PTDSS1: variants seen among roughly 807,000 people sequenced by gnomAD.
PTDSS1 encodes phosphatidylserine synthase 1, also known as PSS-1.
Under a neutral mutation model 70.5 loss-of-function variants are expected in PTDSS1, and 45 were observed. That is an observed-to-expected ratio of 0.64 (90% CI 0.50 to 0.82). PTDSS1 has a LOEUF of 0.82. PTDSS1 is among the 40% of genes least tolerant of loss of function. PTDSS1 has a pLI of 0.00. For missense variants in PTDSS1, 417 were observed against 586.1 expected (o/e 0.71, Z 2.98); for synonymous variants, 188 against 203.8 (o/e 0.92, Z 0.66).
At chr8:96,330,450 G>C (rs916451689) in intron 11 of PTDSS1, 169 bp downstream of exon 11, 3 of 639,696 alleles carry the variant, frequency 4.7e-6, no homozygotes, top group Non-Finnish European at 8.2e-6. Flanking sequence ...CCTAGCCATT[G>C]CTGGCCCTGC....
At chr8:96,278,560 C>G (rs1235066037) in intron 2 of PTDSS1, among the ~76,000 whole-genome samples, 1 of 152,208 alleles carries the variant, frequency 6.6e-6, no homozygotes, top group African/African-American at 2.4e-5. Context: ...CAGTTCTCCT[C>G]TTCATTCTCT....
intron 10 of PTDSS1, among the ~76,000 whole-genome samples, chr8:96,328,680 CT>C (rs1254242914): frequency 6.6e-6 from 1 of 152,170 alleles, no homozygotes; most frequent in Non-Finnish European, 1.5e-5. Flanking sequence ...GCTCTCCTTT[CT>C]TTTTTGGAAC....
chr8:96,307,449 C>CAAAA (rs56284473), intron 8 of PTDSS1, among the ~76,000 whole-genome samples: 3 of 50,646 alleles, frequency 5.9e-5, no homozygotes, highest in East Asian at 8.4e-4. Context: ...TCAATATTAC[C>CAAAA]AAAAAAAAAA....
Position 96,299,739 on chromosome 8 carries a change from G to A in PTDSS1, c.646G>A (p.Asp216Asn). The A allele has an allele frequency of 6.2e-7, 1 of 1,614,056 alleles. No homozygotes were observed. Among genetic ancestry groups the A allele is most frequent in the Non-Finnish European group, 8.5e-7 (1 of 1,179,998 alleles). ...CCCCAATTTTGCCGAGTGCTGGTGG[G>A]ATCAAGTCATTCTGGACATCCTGTT... ...LLPNFAECWWDQVILDILLCN... is the reference protein window; with the variant it reads ...LLPNFAECWWNQVILDILLCN... The change falls in exon 6 of 13, where the codon GAT becomes AAT. Residue 216 changes from aspartate (D) to asparagine (N), a missense_variant. Physicochemically the swap from Asp to Asn is conservative, Grantham distance 23 (BLOSUM62 1). Around this residue, in one of 3 missense-constraint regions of PTDSS1, gnomAD observed 272 missense variants for 429.5 expected, o/e 0.63. Coordinates refer to ENST00000517309, the MANE Select transcript of PTDSS1 (RefSeq NM_014754.3).
At chr8:96,266,269 C>G (rs910812768) in intron 1 of PTDSS1, among the ~76,000 whole-genome samples, 1 of 152,214 alleles carries the variant, frequency 6.6e-6, no homozygotes, top group African/African-American at 2.4e-5. Context: ...GAAGACGTTG[C>G]CTTTCTGCGG....
intron 3 of PTDSS1, among the ~76,000 whole-genome samples, chr8:96,285,228 G>C (rs1478533119): frequency 6.6e-6 from 1 of 152,218 alleles, no homozygotes; most frequent in Non-Finnish European, 1.5e-5. Context: ...ATCCAAGCCT[G>C]CAAAGATTCT....
intron 10 of PTDSS1, among the ~76,000 whole-genome samples, 168 bp from the exon 11 acceptor site, chr8:96,330,045 G>C (rs1811491501): frequency 6.6e-6 from 1 of 152,160 alleles, no homozygotes; most frequent in East Asian, 1.9e-4. Flanking sequence ...GAAGCTTTGG[G>C]TGTGCACCCT....
At chr8:96,265,374 T>C (rs536440373) in intron 1 of PTDSS1, among the ~76,000 whole-genome samples, 3 of 152,300 alleles carry the variant, frequency 2.0e-5, no homozygotes, top group African/African-American at 7.2e-5. Context: ...TTAGATACCT[T>C]GCACTGAAGT....
intron 2 of PTDSS1, among the ~76,000 whole-genome samples, chr8:96,274,320 A>G (rs1037846808): frequency 1.3e-5 from 2 of 152,156 alleles, no homozygotes; most frequent in African/African-American, 4.8e-5. Context: ...CTCATTATGA[A>G]TGTTATCAGA....
intron 5 of PTDSS1, among the ~76,000 whole-genome samples, chr8:96,298,283 T>C (rs1327260324): frequency 6.6e-6 from 1 of 152,232 alleles, no homozygotes; most frequent in Non-Finnish European, 1.5e-5. Context: ...ATTTATAATT[T>C]GTTTATAGCT....
intron 7 of PTDSS1, 96 bp downstream of exon 7, chr8:96,304,277 C>T (rs1307062191): frequency 7.4e-7 from 1 of 1,346,612 alleles, no homozygotes; most frequent in African/African-American, 1.5e-5. Context: ...CATTGCTTTT[C>T]AGCTCCATAC....
chr8:96,288,631 T>TC (rs1810858915), intron 4 of PTDSS1, among the ~76,000 whole-genome samples: 1 of 137,694 alleles, frequency 7.3e-6, no homozygotes, highest in South Asian at 2.5e-4. Context: ...TGGCCTTTTT[T>TC]TTTTTTTTTT....
intron 3 of PTDSS1, among the ~76,000 whole-genome samples, chr8:96,286,740 TCA>T (rs925694989): frequency 6.6e-6 from 1 of 152,190 alleles, no homozygotes. Context: ...CGTGCAATCC[TCA>T]CACCCACCCC....
At position 96,308,628 on chromosome 8, in the gene PTDSS1, A is replaced by G. The variant is rs112338663; in HGVS notation, c.1008-929A>G. Among the ~76,000 whole-genome samples the G allele has an allele frequency of 3.7e-3, 564 of 152,358 alleles. 6 individuals carry two copies. The highest frequency in any genetic ancestry group is 0.013 in the African/African-American group (540 of 41,580). Reference sequence around the variant, plus strand: ...TGAGCACTAGGGATGTGGTCACTCCACAATGAAATGTGCCGTGCATGGAAA... The same window carrying G: ...TGAGCACTAGGGATGTGGTCACTCCGCAATGAAATGTGCCGTGCATGGAAA... On this transcript the variant is annotated intron_variant, in intron 8 of 12. Coordinates refer to ENST00000517309, the MANE Select transcript of PTDSS1 (RefSeq NM_014754.3).
At position 96,334,135 on chromosome 8, in the gene PTDSS1, C is replaced by G. The variant is rs1811561971; in HGVS notation, c.*569C>G. 3.6e-6 allele frequency: 1 copy of G among 274,966 alleles called. No individual in the cohort carries two copies. The highest frequency in any genetic ancestry group is 6.8e-6 in the Non-Finnish European group (1 of 146,728). The allele number at this position is 274,966 out of a possible 1,614,324, so 17.0% of individuals were successfully genotyped here. A position where few individuals can be genotyped will look rare whatever the true frequency, so the allele number is the denominator to read the frequency against. On this transcript the variant is annotated 3_prime_UTR_variant, in exon 13 of 13. Coordinates refer to ENST00000517309, the MANE Select transcript of PTDSS1 (RefSeq NM_014754.3). ...ACTGGGGGAAGGGTTCCCCTTCCTT[C>G]TAGAGCAGAAAAGGGAGAGAGGTGT...
At chr8:96,296,860 G>A (rs576313009) in intron 5 of PTDSS1, among the ~76,000 whole-genome samples, 2 of 152,144 alleles carry the variant, frequency 1.3e-5, no homozygotes, top group African/African-American at 2.4e-5. Context: ...GAACCCAGCC[G>A]CTGCATAGGC....
At chr8:96,287,923 G>C (rs540359681) in intron 4 of PTDSS1, among the ~76,000 whole-genome samples, 2 of 152,138 alleles carry the variant, frequency 1.3e-5, no homozygotes, top group Admixed American at 6.5e-5. Flanking sequence ...CTGACACCTG[G>C]AGTTAGCGTC....
chr8:96,315,973 C>T (rs957041509), intron 9 of PTDSS1, among the ~76,000 whole-genome samples: 21 of 152,268 alleles, frequency 1.4e-4, no homozygotes, highest in Middle Eastern at 3.4e-3. Context: ...TACAGGCTCC[C>T]GCTGTGCTGA....
intron 6 of PTDSS1, among the ~76,000 whole-genome samples, chr8:96,303,108 T>A (rs1438299910): frequency 2.0e-5 from 3 of 152,236 alleles, no homozygotes; most frequent in African/African-American, 7.2e-5. Context: ...AATATTCTGA[T>A]TCTTGATCAC....
Sources: allele counts gnomAD v4.1 joint callset (sites outside exome capture counted in the v4.1 genomes callset), GRCh38; gene constraint gnomAD v4.1.1; regional missense constraint gnomAD v4.1.1; transcripts MANE v1.5; gene names NCBI Gene and HGNC (gene_info 2026-07-23, HGNC 2026-07-21).